Variants in ITSN1 observed in about 807,000 individuals in gnomAD.
The protein encoded by ITSN1 is intersectin-1.
A neutral mutation model predicts 239.8 loss-of-function variants in ITSN1; 58 were observed. The observed-to-expected ratio is 0.24, with a 90% CI of 0.20 to 0.30. The LOEUF is 0.30. Among genes scored for constraint, ITSN1 ranks in the 10% least tolerant of loss-of-function variants. ITSN1 has a pLI of 1.00. For synonymous variants in ITSN1, 780 were observed against 770.8 expected (o/e 1.01, Z -0.20); for missense variants, 1,558 against 2,103.3 (o/e 0.74, Z 5.07).
chr21:33,672,248 T>C (rs2090332472), intron 1 of ITSN1, among the ~76,000 whole-genome samples: 1 of 152,264 alleles, frequency 6.6e-6, no homozygotes, highest in South Asian at 2.1e-4. Context: ...GTCTTGATGC[T>C]ACTTAATTTT....
Position 33,836,086 on chromosome 21 carries a change from G to A in ITSN1, c.3470-355G>A, listed in dbSNP as rs113436415. The stretch of plus-strand genomic sequence containing the variant: ...TACATAGCTGTCCTGTGCAGCAGAA[G>A]ATAGGATGGGGTTGGGCTGGTCTTT... On this transcript the variant is annotated intron_variant, in intron 28 of 39. Coordinates refer to ENST00000381318, the MANE Select transcript of ITSN1 (RefSeq NM_003024.3). 3.8e-3 allele frequency among the ~76,000 whole-genome samples: 572 copies of A among 152,348 alleles called. 2 individuals are homozygous for A. The highest frequency in any genetic ancestry group is 0.013 in the African/African-American group (546 of 41,574).
chr21:33,645,661 A>G (rs923278248), intron 1 of ITSN1, among the ~76,000 whole-genome samples: 1 of 152,176 alleles, frequency 6.6e-6, no homozygotes, highest in African/African-American at 2.4e-5. Context: ...CCAAAAAGTA[A>G]GTAAGTAAAT....
chr21:33,663,831 C>T (rs543227839), intron 1 of ITSN1, among the ~76,000 whole-genome samples: 8 of 152,272 alleles, frequency 5.3e-5, no homozygotes, highest in Admixed American at 3.3e-4. Flanking sequence ...GAACTCCTGA[C>T]GTCAGGTGAT....
intron 1 of ITSN1, among the ~76,000 whole-genome samples, chr21:33,715,581 T>C (rs575683832): frequency 4.7e-4 from 71 of 152,334 alleles, no homozygotes; most frequent in African/African-American, 1.6e-3. Context: ...CAAGGTTGCC[T>C]ATACAATATA....
At chr21:33,657,814 C>T (rs2089217987) in intron 1 of ITSN1, among the ~76,000 whole-genome samples, 1 of 152,066 alleles carries the variant, frequency 6.6e-6, no homozygotes, top group Admixed American at 6.6e-5. Flanking sequence ...GTGAGACTCC[C>T]ATCTCTACAA....
In ITSN1 at chr21:33,893,787, C is replaced by T. The variant is rs1277062789; in HGVS notation, c.*5487C>T. 1 of 152,116 alleles carries T rather than the reference C, an allele frequency of 6.6e-6. No homozygotes were observed. The highest frequency in any genetic ancestry group is 6.5e-5 in the Admixed American group (1 of 15,288). The allele number at this position is 152,116 out of a possible 1,614,324, so 9.4% of individuals were successfully genotyped here. ...TTCCTCAGCCTGCACTGTATCAGAT[C>T]CAGGATATGTCTGCATTTCATCAGG... On this transcript the variant is annotated 3_prime_UTR_variant, in exon 40 of 40. Coordinates refer to ENST00000381318, the MANE Select transcript of ITSN1 (RefSeq NM_003024.3).
chr21:33,767,881 ATTTCC>A, intron 11 of ITSN1, 53 bp downstream of exon 11: 5 of 1,007,176 alleles, frequency 5.0e-6, no homozygotes, highest in Non-Finnish European at 7.7e-6. Flanking sequence ...GAAATTAGAG[ATTTCC>A]TATCTCTAAG....
rs750827896 is a variant in ITSN1, at chr21:33,892,272, G to A, written c.*3972G>A. The A allele has an allele frequency of 6.6e-6, 1 of 152,224 alleles. No homozygotes were observed. Among genetic ancestry groups the A allele is most frequent in the Non-Finnish European group, 1.5e-5 (1 of 68,052 alleles). The allele number at this position is 152,224 out of a possible 1,614,324, so 9.4% of individuals were successfully genotyped here. The stretch of plus-strand genomic sequence containing the variant: ...AACCGGTAGCATGATGAAGCCCTCA[G>A]ACAGTATAGTCTGAGCCACCATAAG... On this transcript the variant is annotated 3_prime_UTR_variant, in exon 40 of 40. Transcript: ENST00000381318.
intron 5 of ITSN1, among the ~76,000 whole-genome samples, chr21:33,747,412 GAA>G (rs1047178651): frequency 6.6e-6 from 1 of 152,052 alleles, no homozygotes; most frequent in African/African-American, 2.4e-5. Context: ...GAAAGGTACA[GAA>G]AAATATTTGA....
rs149433807 is a variant in ITSN1 at position 33,735,417 on chromosome 21, A to G, written c.346+213A>G. 3.3e-4 allele frequency: 209 copies of G among 628,650 alleles called. 1 individual carries two copies. Among genetic ancestry groups the G allele is most frequent in the African/African-American group, 3.2e-3 (173 of 53,964 alleles). The allele number at this position is 628,650 out of a possible 1,614,324, so 38.9% of individuals were successfully genotyped here. A position where few individuals can be genotyped will look rare whatever the true frequency, so the allele number is the denominator to read the frequency against. On this transcript the variant is annotated intron_variant, in intron 5 of 39. Transcript: ENST00000381318. ...GATGTAAAGTAATCAAAATGAAAGC[A>G]GAGATGCAGGCCGCCAGTCAGGGGA...
At chr21:33,707,074 A>G (rs1057207917) in intron 1 of ITSN1, among the ~76,000 whole-genome samples, 19 of 152,126 alleles carry the variant, frequency 1.2e-4, no homozygotes, top group African/African-American at 4.3e-4. Flanking sequence ...AAAAGTTAAA[A>G]TCTGTGTTGA....
chr21:33,822,874 G>A (rs2073767603), intron 24 of ITSN1, among the ~76,000 whole-genome samples: 1 of 152,146 alleles, frequency 6.6e-6, no homozygotes, highest in Non-Finnish European at 1.5e-5. Context: ...TAAACAATAT[G>A]TGTAACTCAT....
intron 34 of ITSN1, 58 bp downstream of exon 34, chr21:33,875,579 T>C (rs1602680474): frequency 2.0e-6 from 3 of 1,529,658 alleles, no homozygotes; most frequent in East Asian, 2.3e-5. Flanking sequence ...CCTGCCAGCC[T>C]GGAGGAGGAC....
chr21:33,808,208 A>AC (rs2072618315), intron 20 of ITSN1, among the ~76,000 whole-genome samples: 1 of 151,838 alleles, frequency 6.6e-6, no homozygotes, highest in Non-Finnish European at 1.5e-5. Flanking sequence ...AAAAAAAAAG[A>AC]CCAGGCTTTT....
chr21:33,887,904 G>A (rs546459377), intron 39 of ITSN1, among the ~76,000 whole-genome samples: 39 of 151,776 alleles, frequency 2.6e-4, no homozygotes, highest in Non-Finnish European at 4.3e-4. Flanking sequence ...CACTGTGCCC[G>A]GCCACCTTCT....
At chr21:33,658,000 T>C (rs868014672) in intron 1 of ITSN1, among the ~76,000 whole-genome samples, 1 of 152,144 alleles carries the variant, frequency 6.6e-6, no homozygotes, top group African/African-American at 2.4e-5. Context: ...AAAAATCATA[T>C]AACCTTTTTG....
At chr21:33,839,046 C>T (rs1334077274) in intron 29 of ITSN1, among the ~76,000 whole-genome samples, 1 of 152,176 alleles carries the variant, frequency 6.6e-6, no homozygotes, top group Non-Finnish European at 1.5e-5. Flanking sequence ...ACTTATTGGA[C>T]CTCTCCTGCC....
intron 1 of ITSN1, among the ~76,000 whole-genome samples, chr21:33,656,225 C>T (rs1568855013): frequency 6.6e-6 from 1 of 152,060 alleles, no homozygotes; most frequent in Non-Finnish European, 1.5e-5. Flanking sequence ...TTGGTGAGAC[C>T]AGTACCTAAA....
rs187453193 is a variant in ITSN1, at chr21:33,659,898, A to G, written c.-33+17185A>G. Among the ~76,000 whole-genome samples, 58 of 151,266 alleles carry G rather than the reference A, an allele frequency of 3.8e-4. 1 individual carries two copies. In the East Asian group the frequency reaches 0.011, roughly 27 times the overall value. ...CCACACCTGGCTAATTTAAAAAAAA[A>G]TTTTTGTAGAGATGGGATCTCACTG... On this transcript the variant is annotated intron_variant, in intron 1 of 39. Transcript: ENST00000381318.
Sources: gnomAD v4.1 joint callset for allele counts (sites outside exome capture counted in the v4.1 genomes callset) on GRCh38, gnomAD v4.1.1 for gene constraint, MANE v1.5 for transcripts, NCBI Gene and HGNC (gene_info 2026-07-23, HGNC 2026-07-21) for gene names.